The following PIK3R6 variants were observed in gnomAD, a reference collection of about 807,000 sequenced individuals.
The protein encoded by PIK3R6 is phosphoinositide 3-kinase regulatory subunit 6.
PIK3R6 carries 91 observed loss-of-function variants against 84.9 expected under a neutral mutation model. The ratio of observed to expected loss-of-function variants is 1.07; its 90% CI spans 0.90 to 1.28. The LOEUF (loss-of-function observed/expected upper bound fraction) is 1.28, where lower values mean the gene tolerates loss of function less well. PIK3R6 is among the 50% of genes most tolerant of loss of function. The probability of loss-of-function intolerance (pLI) is 0.00; values close to 1 mark genes in which losing one functional copy is unlikely to be tolerated. For missense variants in PIK3R6, 996 were observed against 985.1 expected (o/e 1.01, Z -0.15); for synonymous variants, 416 against 411.4 (o/e 1.01, Z -0.13).
intron 18 of PIK3R6, among the ~76,000 whole-genome samples, chr17:8,818,119 CTAATCAATGTGGATG>C (rs1315703363): frequency 6.6e-6 from 1 of 152,138 alleles, no homozygotes; most frequent in Non-Finnish European, 1.5e-5. Flanking sequence ...TGCTGTGGAT[CTAATCAATGTGGATG>C]CAGGGTTATT....
In PIK3R6 at chr17:8,829,197, A is replaced by ACC. The variant is rs554388177; in HGVS notation, c.890-208_890-207insGG. 3.2e-3 allele frequency among the ~76,000 whole-genome samples: 454 copies of ACC among 140,202 alleles called. 3 individuals carry two copies. Among genetic ancestry groups the ACC allele is most frequent in the African/African-American group, 0.012 (430 of 36,492 alleles). 92.0% of individuals were successfully genotyped at this position (140,202 alleles called of 152,430 possible). A position where few individuals can be genotyped will look rare whatever the true frequency, so the allele number is the denominator to read the frequency against. On this transcript the variant is annotated intron_variant, in intron 10 of 19. Coordinates refer to ENST00000619866, the MANE Select transcript of PIK3R6 (RefSeq NM_001010855.4). ...TGTACAGACACAGACAGACATACAC[A>ACC]CACGTGCACACACACAGACACACAC...
intron 2 of PIK3R6, among the ~76,000 whole-genome samples, chr17:8,846,869 G>T (rs1038639134): frequency 1.3e-5 from 2 of 152,126 alleles, no homozygotes; most frequent in East Asian, 3.9e-4. Context: ...CTGGCCAATG[G>T]AATGTGGTGG....
chr17:8,822,895 G>A, intron 15 of PIK3R6, 101 bp downstream of exon 15: 2 of 1,065,770 alleles, frequency 1.9e-6, no homozygotes, highest in Middle Eastern at 2.0e-4. Flanking sequence ...CAAGCACTGA[G>A]GGTGTGGGCG....
At chr17:8,864,951 G>A (rs534122031) in intron 1 of PIK3R6, among the ~76,000 whole-genome samples, 3 of 152,188 alleles carry the variant, frequency 2.0e-5, no homozygotes, top group South Asian at 4.1e-4. Context: ...TGAACAAGTC[G>A]CAGGCCAGGT....
At chr17:8,851,428 C>T (rs550817186) in intron 1 of PIK3R6, among the ~76,000 whole-genome samples, 92 of 152,184 alleles carry the variant, frequency 6.0e-4, no homozygotes, top group African/African-American at 2.1e-3. Context: ...CCCCGGGAGG[C>T]GGAGCTTGCA....
intron 18 of PIK3R6, among the ~76,000 whole-genome samples, chr17:8,812,938 G>A (rs1195105521): frequency 6.6e-6 from 1 of 151,846 alleles, no homozygotes; most frequent in African/African-American, 2.4e-5. Flanking sequence ...AAATACGAAG[G>A]ATCAACGAAA....
intron 12 of PIK3R6, among the ~76,000 whole-genome samples, chr17:8,827,761 GAGGAGAGAGAGAGAGAGA>G (rs1567583663): frequency 1.5e-5 from 1 of 65,948 alleles, no homozygotes; most frequent in South Asian, 5.9e-4. Flanking sequence ...GAGAGAGAGA[GAGGAGAGAGAGAGAGAGA>G]GAGAGAGAGA....
chr17:8,854,217 T>C (rs933267115), intron 1 of PIK3R6, among the ~76,000 whole-genome samples: 19 of 151,948 alleles, frequency 1.3e-4, no homozygotes, highest in Admixed American at 3.3e-4. Context: ...TGCGTGATCT[T>C]GGCTCACTGC....
chr17:8,831,554 G>A (rs1255852543), intron 9 of PIK3R6, among the ~76,000 whole-genome samples: 1 of 152,106 alleles, frequency 6.6e-6, no homozygotes, highest in East Asian at 1.9e-4. Flanking sequence ...CAGAGGCAGT[G>A]TAGAATGTTA....
chr17:8,863,784 C>T (rs539790414), intron 1 of PIK3R6, among the ~76,000 whole-genome samples: 50 of 152,304 alleles, frequency 3.3e-4, no homozygotes, highest in African/African-American at 9.6e-4. Flanking sequence ...CCACCCGCCT[C>T]GGCCTCCCAA....
intron 1 of PIK3R6, among the ~76,000 whole-genome samples, chr17:8,857,765 C>T (rs549265242): frequency 4.6e-5 from 7 of 152,042 alleles, no homozygotes; most frequent in Admixed American, 2.6e-4. Flanking sequence ...CTGGGTGTGG[C>T]GGCAGGTGCC....
Position 8,836,573 on chromosome 17 carries a change from C to T in PIK3R6, c.435G>A (p.Thr145=), listed in dbSNP as rs199642447. 2.1e-5 allele frequency: 34 copies of T among 1,613,860 alleles called. No homozygotes were observed. The highest frequency in any genetic ancestry group is 5.3e-5 in the African/African-American group (4 of 74,910). Residue 145 remains threonine, a synonymous_variant, in exon 7 of 20, where the codon ACG becomes ACA. Transcript: ENST00000619866. ...QRMVIAEQNL[T]NELYPYQERV... is the part of the protein sequence containing the mutation. Reference sequence around the variant, plus strand: ...TCTCCTGGTAGGGATACAGCTCATTCGTCAAGTTCTGTTCGGCAATGACCA... The same window carrying T: ...TCTCCTGGTAGGGATACAGCTCATTTGTCAAGTTCTGTTCGGCAATGACCA...
intron 10 of PIK3R6, among the ~76,000 whole-genome samples, chr17:8,829,450 G>A (rs1236378646): frequency 1.5e-4 from 18 of 117,508 alleles, no homozygotes; most frequent in East Asian, 2.5e-4. Context: ...ACACTGACAC[G>A]CATCCACACA....
At chr17:8,850,102 G>A (rs903778048) in intron 1 of PIK3R6, among the ~76,000 whole-genome samples, 30 of 152,150 alleles carry the variant, frequency 2.0e-4, no homozygotes, top group African/African-American at 6.3e-4. Flanking sequence ...TCAGGAGTTC[G>A]AGACCAGCCC....
intron 17 of PIK3R6, among the ~76,000 whole-genome samples, chr17:8,820,592 T>C (rs777105628): frequency 6.6e-6 from 1 of 152,192 alleles, no homozygotes; most frequent in Non-Finnish European, 1.5e-5. Context: ...GTCTCCTTCA[T>C]GGTGTTAAAG....
intron 2 of PIK3R6, among the ~76,000 whole-genome samples, chr17:8,848,389 G>A (rs1384683221): frequency 6.6e-6 from 1 of 152,100 alleles, no homozygotes; most frequent in Non-Finnish European, 1.5e-5. Flanking sequence ...TAACTACGGC[G>A]ATATGTTCCG....
At chr17:8,833,085 C>A in intron 8 of PIK3R6, 40 bp from the exon 9 acceptor site, 1 of 1,508,298 alleles carries the variant, frequency 6.6e-7, no homozygotes, top group Non-Finnish European at 8.8e-7. Context: ...CTTGGCCCAG[C>A]GCCCACGCAC....
At chr17:8,863,617 C>G (rs2089332511) in intron 1 of PIK3R6, among the ~76,000 whole-genome samples, 1 of 152,102 alleles carries the variant, frequency 6.6e-6, no homozygotes, top group Non-Finnish European at 1.5e-5. Flanking sequence ...TCACTGTAAC[C>G]TCCACCTCCC....
rs766474426 is a variant in PIK3R6, at chr17:8,803,346, T to A, written c.2192A>T (p.Glu731Val). 1 of 1,613,590 alleles carries A rather than the reference T, an allele frequency of 6.2e-7. No homozygotes were observed. Among genetic ancestry groups the A allele is most frequent in the Non-Finnish European group, 8.5e-7 (1 of 1,179,836 alleles). ...GGGCTTGGCTTTGATTGCTTCCACC[T>A]CCTGTTGCCCATGCAAATTGAGCCA... ...APWLNLHGQQ[E>V]VEAIKAKPKP... Residue 731 changes from glutamate (E) to valine (V), a missense_variant, in exon 20 of 20, where the codon GAG becomes GTG. Transcript: ENST00000619866. The surrounding 1 kb of genome is among the most constrained non-coding windows in gnomAD (Gnocchi z 5.0).
Sources: gnomAD v4.1 joint callset for allele counts (sites outside exome capture counted in the v4.1 genomes callset) on GRCh38, gnomAD v4.1.1 for gene constraint, Gnocchi (gnomAD v3.1) non-coding constraint, MANE v1.5 for transcripts, NCBI Gene and HGNC (gene_info 2026-07-23, HGNC 2026-07-21) for gene names.